GABRB2: variants seen among roughly 807,000 people sequenced by gnomAD.
The protein encoded by GABRB2 is gamma-aminobutyric acid receptor subunit beta-2.
A neutral mutation model predicts 54.7 loss-of-function variants in GABRB2; 16 were observed. The observed-to-expected ratio is 0.29, with a 90% CI of 0.20 to 0.44. The LOEUF (loss-of-function observed/expected upper bound fraction) is 0.44, where lower values mean the gene tolerates loss of function less well. Among genes scored for constraint, GABRB2 ranks in the 20% least tolerant of loss-of-function variants. GABRB2 has a pLI of 1.00. For missense variants in GABRB2, 355 were observed against 644.0 expected, an observed-to-expected ratio of 0.55 and a Z score of 4.86; for synonymous variants, 244 against 233.8, an observed-to-expected ratio of 1.04 and a Z score of -0.40.
At chr5:161,500,633 A>T (rs1367218023) in intron 3 of GABRB2, among the ~76,000 whole-genome samples, 1 of 152,118 alleles carries the variant, frequency 6.6e-6, no homozygotes, top group African/African-American at 2.4e-5. Flanking sequence ...TATGTCTGCA[A>T]TGATTATAGA....
chr5:161,533,649 ATCTCTAAAACATATT>A (rs1760536244), intron 3 of GABRB2, among the ~76,000 whole-genome samples: 1 of 152,088 alleles, frequency 6.6e-6, no homozygotes, highest in African/African-American at 2.4e-5. Context: ...TTGGCCAGTA[ATCTCTAAAACATATT>A]TACTAAGACT....
chr5:161,423,557 T>G (rs1756912651), intron 4 of GABRB2, among the ~76,000 whole-genome samples: 1 of 152,190 alleles, frequency 6.6e-6, no homozygotes, highest in South Asian at 2.1e-4. Flanking sequence ...GTAATTGTTT[T>G]GGGGAGCCAC....
intron 5 of GABRB2, among the ~76,000 whole-genome samples, chr5:161,371,939 A>G (rs1580926433): frequency 6.6e-6 from 1 of 152,010 alleles, no homozygotes. Context: ...TATGTTGCCC[A>G]GACTGATCTT....
intron 5 of GABRB2, among the ~76,000 whole-genome samples, chr5:161,386,436 A>G (rs1755633924): frequency 6.6e-6 from 1 of 152,172 alleles, no homozygotes; most frequent in Non-Finnish European, 1.5e-5. Context: ...TTCCTCATAC[A>G]TTCCAGGAAG....
At chr5:161,298,686 T>C (rs372563206) in intron 9 of GABRB2, among the ~76,000 whole-genome samples, 3 of 152,348 alleles carry the variant, frequency 2.0e-5, no homozygotes, top group South Asian at 4.1e-4. Context: ...TAGAGCAGCA[T>C]GCTCAAGTAC....
rs117510708 is a variant in GABRB2, at chr5:161,463,261, G to A, written c.238-3417C>T. ...ATACTACTATAAGAGTGAGTTTCTCGATTATTTTTCTTCTTCCTCTTGTAC... is the reference window on the plus strand; with the variant it reads ...ATACTACTATAAGAGTGAGTTTCTCAATTATTTTTCTTCTTCCTCTTGTAC... On this transcript the variant is annotated intron_variant, in intron 3 of 9. Coordinates refer to ENST00000393959, the MANE Select transcript of GABRB2 (RefSeq NM_001371727.1). Among the ~76,000 whole-genome samples the A allele has an allele frequency of 1.9e-4, 28 of 150,272 alleles. No homozygotes were observed. The East Asian group carries it at 4.5e-3, about 24-fold the overall frequency.
At chr5:161,310,962 G>A (rs1268911084) in intron 9 of GABRB2, among the ~76,000 whole-genome samples, 1 of 151,936 alleles carries the variant, frequency 6.6e-6, no homozygotes, top group Non-Finnish European at 1.5e-5. Context: ...GGGTTTCACC[G>A]TGTTAGCCAA....
At chr5:161,391,019 C>A (rs1755806071) in intron 5 of GABRB2, among the ~76,000 whole-genome samples, 1 of 152,130 alleles carries the variant, frequency 6.6e-6, no homozygotes, top group Admixed American at 6.6e-5. Context: ...TCTAAGAACA[C>A]AACATCTTTT....
intron 3 of GABRB2, among the ~76,000 whole-genome samples, chr5:161,478,426 G>T (rs953208509): frequency 6.6e-6 from 1 of 151,998 alleles, no homozygotes; most frequent in Non-Finnish European, 1.5e-5. Flanking sequence ...TCATGAAAAT[G>T]ATCTTTGAAA....
At chr5:161,525,368 T>G (rs567250808) in intron 3 of GABRB2, among the ~76,000 whole-genome samples, 1 of 151,366 alleles carries the variant, frequency 6.6e-6, no homozygotes, top group Non-Finnish European at 1.5e-5. Flanking sequence ...ATTTAATAAT[T>G]TTTAGATTGG....
At chr5:161,306,303 A>G (rs1343603828) in intron 9 of GABRB2, among the ~76,000 whole-genome samples, 3 of 152,232 alleles carry the variant, frequency 2.0e-5, no homozygotes, top group Non-Finnish European at 2.9e-5. Context: ...AATCCTTCTA[A>G]AAATCTGACA....
chr5:161,443,140 A>C (rs1209628023), intron 4 of GABRB2, among the ~76,000 whole-genome samples: 3 of 152,010 alleles, frequency 2.0e-5, no homozygotes, highest in African/African-American at 7.2e-5. Context: ...TCCCCCACCA[A>C]ATCTTTGTTG....
chr5:161,466,090 G>A (rs1758267958), intron 3 of GABRB2, among the ~76,000 whole-genome samples: 1 of 151,750 alleles, frequency 6.6e-6, no homozygotes, highest in Non-Finnish European at 1.5e-5. Flanking sequence ...AGTTTTTTTT[G>A]TTGTTGTTGA....
chr5:161,493,878 C>A (rs1291083229), intron 3 of GABRB2, among the ~76,000 whole-genome samples: 1 of 151,490 alleles, frequency 6.6e-6, no homozygotes, highest in Non-Finnish European at 1.5e-5. Context: ...GTGAATTATC[C>A]TAATGCATTT....
At chr5:161,390,708 A>C (rs1755793596) in intron 5 of GABRB2, among the ~76,000 whole-genome samples, 1 of 152,100 alleles carries the variant, frequency 6.6e-6, no homozygotes, top group Admixed American at 6.6e-5. Context: ...AAATTTAAAA[A>C]AATAGGTGAA....
chr5:161,532,865 T>G (rs1760506242), intron 3 of GABRB2, among the ~76,000 whole-genome samples: 1 of 152,192 alleles, frequency 6.6e-6, no homozygotes, highest in Admixed American at 6.5e-5. Flanking sequence ...CTTGAGCTTC[T>G]AAATTGAATG....
intron 5 of GABRB2, among the ~76,000 whole-genome samples, chr5:161,366,386 C>T (rs1020993156): frequency 4.6e-5 from 7 of 152,080 alleles, no homozygotes; most frequent in South Asian, 2.1e-4. Flanking sequence ...TTGTTCTCCA[C>T]ATTTGGATAC....
chr5:161,423,842 CA>C (rs1412178366), intron 4 of GABRB2, among the ~76,000 whole-genome samples: 1 of 152,078 alleles, frequency 6.6e-6, no homozygotes, highest in Non-Finnish European at 1.5e-5. Context: ...GAACGCAAAA[CA>C]AAAGTTCCTG....
intron 3 of GABRB2, among the ~76,000 whole-genome samples, chr5:161,479,204 C>A (rs1221049159): frequency 6.6e-6 from 1 of 152,044 alleles, no homozygotes; most frequent in African/African-American, 2.4e-5. Flanking sequence ...ACCAAAGTGT[C>A]TTTGGGCACA....
Sources: gnomAD v4.1 joint callset for allele counts (sites outside exome capture counted in the v4.1 genomes callset) on GRCh38, gnomAD v4.1.1 for gene constraint, MANE v1.5 for transcripts, NCBI Gene and HGNC (gene_info 2026-07-23, HGNC 2026-07-21) for gene names.